Variants in ZNF804A observed in about 807,000 individuals in gnomAD.
The protein encoded by ZNF804A is zinc finger protein 804A.
In ZNF804A, 2 loss-of-function variants were observed where a neutral mutation model predicts 16.5. The ratio of observed to expected loss-of-function variants is 0.12; its 90% CI spans 0.05 to 0.38. ZNF804A has a LOEUF of 0.38. ZNF804A is among the 10% of genes least tolerant of loss of function. The probability of loss-of-function intolerance (pLI) is 0.99; values close to 1 mark genes in which losing one functional copy is unlikely to be tolerated. For synonymous variants in ZNF804A, 534 were observed against 489.6 expected, an observed-to-expected ratio of 1.09 and a Z score of -1.20; for missense variants, 1,473 against 1,390.7, an observed-to-expected ratio of 1.06 and a Z score of -0.94.
chr2:184,740,326 C>T (rs1462446322), intron 1 of ZNF804A, among the ~76,000 whole-genome samples: 3 of 152,090 alleles, frequency 2.0e-5, no homozygotes, highest in African/African-American at 7.2e-5. Flanking sequence ...CAATAATAAG[C>T]AAGGGAGATG....
chr2:184,919,295 T>C (rs1685496234), intron 2 of ZNF804A, among the ~76,000 whole-genome samples: 2 of 152,196 alleles, frequency 1.3e-5, no homozygotes, highest in South Asian at 4.1e-4. Context: ...TGGCTGATCA[T>C]TCCAGGGAAT....
At chr2:184,788,646 G>A (rs1694486635) in intron 1 of ZNF804A, among the ~76,000 whole-genome samples, 1 of 151,932 alleles carries the variant, frequency 6.6e-6, no homozygotes, top group Non-Finnish European at 1.5e-5. Flanking sequence ...AATGTTATTG[G>A]TGTATACAAA....
At chr2:184,605,184 T>C (rs1039449320) in intron 1 of ZNF804A, among the ~76,000 whole-genome samples, 2 of 152,124 alleles carry the variant, frequency 1.3e-5, no homozygotes, top group African/African-American at 4.8e-5. Flanking sequence ...GATAGTACTG[T>C]TGAAGCGACT....
chr2:184,792,592 C>A (rs540862801), intron 1 of ZNF804A, among the ~76,000 whole-genome samples: 10 of 152,156 alleles, frequency 6.6e-5, no homozygotes, highest in African/African-American at 1.9e-4. Flanking sequence ...ATATACTTTG[C>A]AAATGATTTC....
chr2:184,869,136 G>GA (rs933855105), intron 2 of ZNF804A, among the ~76,000 whole-genome samples: 19 of 151,260 alleles, frequency 1.3e-4, no homozygotes, highest in Admixed American at 7.3e-4. Flanking sequence ...CCCAAAATCT[G>GA]AAAAAAAAAT....
intron 2 of ZNF804A, among the ~76,000 whole-genome samples, chr2:184,910,237 T>C (rs903293549): frequency 2.0e-5 from 3 of 151,994 alleles, no homozygotes; most frequent in Non-Finnish European, 2.9e-5. Context: ...TCCTTTTCTG[T>C]TGCTGCATTA....
intron 1 of ZNF804A, among the ~76,000 whole-genome samples, chr2:184,749,838 T>G: frequency 6.6e-6 from 1 of 151,268 alleles, no homozygotes; most frequent in East Asian, 1.9e-4. Context: ...TTTCATGTAT[T>G]CAGCTTTCAT....
chr2:184,657,925 A>G (rs1439232415), intron 1 of ZNF804A, among the ~76,000 whole-genome samples: 1 of 152,218 alleles, frequency 6.6e-6, no homozygotes, highest in Non-Finnish European at 1.5e-5. Flanking sequence ...GCAATGGAAC[A>G]ACAAGGAGCA....
intron 1 of ZNF804A, among the ~76,000 whole-genome samples, chr2:184,687,948 G>A (rs867639745): frequency 6.6e-6 from 1 of 152,122 alleles, no homozygotes; most frequent in Non-Finnish European, 1.5e-5. Flanking sequence ...GTGAAACCCC[G>A]TCTCTACTAA....
intron 1 of ZNF804A, among the ~76,000 whole-genome samples, chr2:184,636,063 A>C (rs1691690422): frequency 6.6e-6 from 1 of 152,162 alleles, no homozygotes; most frequent in Non-Finnish European, 1.5e-5. Flanking sequence ...GAAGTAAGTG[A>C]AAATTATTTT....
At chr2:184,811,676 G>A (rs895628991) in intron 1 of ZNF804A, among the ~76,000 whole-genome samples, 1 of 152,032 alleles carries the variant, frequency 6.6e-6, no homozygotes, top group African/African-American at 2.4e-5. Context: ...TGGCACCTGT[G>A]AATAGCAACT....
intron 1 of ZNF804A, among the ~76,000 whole-genome samples, chr2:184,645,254 CAT>C (rs1285639804): frequency 1.3e-5 from 2 of 152,116 alleles, no homozygotes; most frequent in Admixed American, 6.5e-5. Flanking sequence ...ATAACATCCA[CAT>C]AGAAAGGAAA....
chr2:184,860,206 G>A (rs1695776972), intron 1 of ZNF804A, among the ~76,000 whole-genome samples: 1 of 152,212 alleles, frequency 6.6e-6, no homozygotes, highest in African/African-American at 2.4e-5. Flanking sequence ...ATCTGCTGAT[G>A]CTGGCCTAGA....
At chr2:184,875,799 C>A (rs1267506283) in intron 2 of ZNF804A, among the ~76,000 whole-genome samples, 1 of 148,634 alleles carries the variant, frequency 6.7e-6, no homozygotes, top group East Asian at 2.0e-4. Context: ...AGCTCAGAAT[C>A]AGGTAAAGAG....
intron 1 of ZNF804A, among the ~76,000 whole-genome samples, chr2:184,843,108 T>C (rs1244855791): frequency 6.6e-6 from 1 of 152,106 alleles, no homozygotes; most frequent in Non-Finnish European, 1.5e-5. Flanking sequence ...AGTCCTGGCC[T>C]CCAGCTGCTA....
At chr2:184,782,477 C>G (rs891085729) in intron 1 of ZNF804A, among the ~76,000 whole-genome samples, 2 of 151,290 alleles carry the variant, frequency 1.3e-5, no homozygotes, top group Non-Finnish European at 3.0e-5. Flanking sequence ...CATGAAAAGA[C>G]TAGACTAGCC....
rs1393572842 is a variant in ZNF804A, at chr2:184,598,538, T to A, written c.-422T>A. 6.5e-6 allele frequency: 1 copy of A among 154,992 alleles called. No individual in the cohort carries two copies. The highest frequency in any genetic ancestry group is 1.4e-5 in the Non-Finnish European group (1 of 70,440). The allele number at this position is 154,992 out of a possible 1,614,324, so 9.6% of individuals were successfully genotyped here. A position where few individuals can be genotyped will look rare whatever the true frequency, so the allele number is the denominator to read the frequency against. ...GCCTGCCAGCAGCAGCAACTCCGAG[T>A]GCAGGCGCCGAGCGCGGGGGATGCT... On this transcript the variant is annotated 5_prime_UTR_variant, in exon 1 of 4. Transcript: ENST00000302277.
chr2:184,887,183 G>A (rs1684906555), intron 2 of ZNF804A, among the ~76,000 whole-genome samples: 1 of 152,120 alleles, frequency 6.6e-6, no homozygotes, highest in Non-Finnish European at 1.5e-5. Context: ...AAATCTCCAG[G>A]GCAGGGGCAA....
At chr2:184,806,419 T>A (rs969149485) in intron 1 of ZNF804A, among the ~76,000 whole-genome samples, 1 of 151,932 alleles carries the variant, frequency 6.6e-6, no homozygotes, top group Admixed American at 6.5e-5. Context: ...AAACATTTCA[T>A]CAACATTTAA....
Sources: allele counts gnomAD v4.1 joint callset (sites outside exome capture counted in the v4.1 genomes callset), GRCh38; gene constraint gnomAD v4.1.1; transcripts MANE v1.5; gene names NCBI Gene and HGNC (gene_info 2026-07-23, HGNC 2026-07-21).